Variants in ATP6V0D1 observed in about 807,000 individuals in gnomAD.
ATP6V0D1 encodes the protein V-type proton ATPase subunit d 1.
ATP6V0D1 carries 13 observed loss-of-function variants against 39.0 expected under a neutral mutation model. The observed-to-expected ratio is 0.33, with a 90% confidence interval of 0.22 to 0.53. ATP6V0D1 has a LOEUF of 0.53. ATP6V0D1 is among the 20% of genes least tolerant of loss of function. The pLI, the probability that ATP6V0D1 is intolerant of heterozygous loss-of-function variation, is 0.94. For missense variants in ATP6V0D1, 272 were observed against 470.9 expected (o/e 0.58, Z 3.91); for synonymous variants, 191 against 191.2 (o/e 1.00, Z 0.01).
intron 2 of ATP6V0D1, chr16:67,452,504 G>A (rs990770826): frequency 5.3e-5 from 57 of 1,073,586 alleles, no homozygotes; most frequent in Non-Finnish European, 7.3e-5. Flanking sequence ...AGGTGTGCCA[G>A]GTCCCAAGGA....
chr16:67,456,140 G>A lies in ATP6V0D1; in HGVS notation c.131-2425C>T, dbSNP rs1053822074. The A allele has an allele frequency of 6.6e-6, 1 of 151,982 alleles. No homozygotes were observed. Among genetic ancestry groups the A allele is most frequent in the Non-Finnish European group, 1.5e-5 (1 of 68,018 alleles). The allele number at this position is 151,982 out of a possible 1,614,324, so 9.4% of individuals were successfully genotyped here. Reference sequence around the variant, plus strand: ...GCCTCCCGAGTAGCTGGGACTAAAGGTGCATGCCACCATGCCTGGCTAATT... The same window carrying A: ...GCCTCCCGAGTAGCTGGGACTAAAGATGCATGCCACCATGCCTGGCTAATT... On this transcript the variant is annotated intron_variant, in intron 1 of 7. Transcript: ENST00000290949. This position sits in a 1 kb window ranked among gnomAD's most constrained non-coding sequence, Gnocchi z 4.1.
In ATP6V0D1 at chr16:67,452,422, C is replaced by T. The variant is rs1366296290; in HGVS notation, c.302+1122G>A. ...GCAAGTGGATCCTGGGCAAGTGGCT[C>T]CTAACTGCAGGGGATAAGAATCAGG... On this transcript the variant is annotated intron_variant, in intron 2 of 7. Transcript: ENST00000290949. 5 of 1,534,426 alleles carry T rather than the reference C, an allele frequency of 3.3e-6. No homozygotes were observed. In the Admixed American group the frequency reaches 5.9e-5, roughly 18 times the overall value.
intron 1 of ATP6V0D1, among the ~76,000 whole-genome samples, chr16:67,475,697 G>A (rs1389971435): frequency 6.6e-6 from 1 of 152,192 alleles, no homozygotes; most frequent in Non-Finnish European, 1.5e-5. Context: ...CTGAAGTGGT[G>A]CTACATAATC....
Position 67,457,664 on chromosome 16 carries a change from G to A in ATP6V0D1, c.131-3949C>T, listed in dbSNP as rs949405483. On this transcript the variant is annotated intron_variant, in intron 1 of 7. Transcript: ENST00000290949. Reference sequence around the variant, plus strand: ...GCACCATCCATTCCTAGAGAAGCCAGGAATGTGTGCACGTGAATGAGGGGG... The same window carrying A: ...GCACCATCCATTCCTAGAGAAGCCAAGAATGTGTGCACGTGAATGAGGGGG... 3.9e-6 allele frequency: 5 copies of A among 1,288,816 alleles called. No individual in the cohort carries two copies. The African/African-American group carries it at 7.6e-5, about 20-fold the overall frequency. 79.8% of individuals were successfully genotyped at this position (1,288,816 alleles called of 1,614,324 possible).
intron 4 of ATP6V0D1, chr16:67,440,469 C>T (rs1252882570): frequency 1.3e-5 from 2 of 152,326 alleles, no homozygotes; most frequent in Non-Finnish European, 2.9e-5. Context: ...GTAATGGCCA[C>T]CCTCCACTCA....
intron 1 of ATP6V0D1, chr16:67,455,732 C>T (rs924074580): frequency 5.3e-5 from 8 of 152,334 alleles, no homozygotes; most frequent in African/African-American, 1.9e-4. Flanking sequence ...TGCAATGAAC[C>T]CTTGCCCTGA....
In ATP6V0D1 at chr16:67,480,991, G is replaced by A; in HGVS notation, c.96C>T (p.Asp32=). The part of the protein sequence containing the change: ...GLKAGVLSQA[D]YLNLVQCETL... Reference sequence around the variant, plus strand: ...TCTCGCACTGCACCAGGTTGAGGTAGTCGGCCTGGCTGAGCACCCCGGCCT... The same window carrying A: ...TCTCGCACTGCACCAGGTTGAGGTAATCGGCCTGGCTGAGCACCCCGGCCT... Residue 32 remains aspartate (D), a synonymous_variant, in exon 1 of 8, where the codon GAC becomes GAT. Transcript: ENST00000290949. 1 of 1,614,180 alleles carries A rather than the reference G, an allele frequency of 6.2e-7. No individual in the cohort carries two copies. Among genetic ancestry groups the A allele is most frequent in the Non-Finnish European group, 8.5e-7 (1 of 1,179,998 alleles).
chr16:67,475,277 T>C (rs1214820258), intron 1 of ATP6V0D1, among the ~76,000 whole-genome samples: 1 of 152,196 alleles, frequency 6.6e-6, no homozygotes, highest in Non-Finnish European at 1.5e-5. Context: ...CCATCAACAT[T>C]TGCATCTGCA....
At chr16:67,480,712 C>A (rs113148480) in intron 1 of ATP6V0D1, among the ~76,000 whole-genome samples, 37 of 152,166 alleles carry the variant, frequency 2.4e-4, no homozygotes, top group Admixed American at 3.9e-4. Context: ...GTGAGCACAG[C>A]GAGAGAAAAG....
rs547867715 is a variant in ATP6V0D1 at position 67,452,733 on chromosome 16, G to A, written c.302+811C>T. Among the ~76,000 whole-genome samples, 44 of 152,300 alleles carry A rather than the reference G, an allele frequency of 2.9e-4. No individual in the cohort carries two copies. The South Asian group carries it at 8.9e-3, about 31-fold the overall frequency. On this transcript the variant is annotated intron_variant, in intron 2 of 7. Transcript: ENST00000290949. Reference sequence around the variant, plus strand: ...ACCAGGACTTGGCTCATGGCTCTTGGGACATCCCTGCAAAGGGACCCTCCC... The same window carrying A: ...ACCAGGACTTGGCTCATGGCTCTTGAGACATCCCTGCAAAGGGACCCTCCC...
Position 67,444,572 on chromosome 16 carries a change from G to C in ATP6V0D1, c.437C>G (p.Thr146Arg). The change falls in exon 3 of 8, where the codon ACA becomes AGA. Residue 146 changes from threonine to arginine, a missense_variant. By Grantham distance (71) the Thr-to-Arg change is moderately conservative. This residue lies in a region of ATP6V0D1 where 135 missense variants were observed against 273.8 expected (regional missense o/e 0.49). Transcript: ENST00000290949. This position sits in a 1 kb window ranked among gnomAD's most constrained non-coding sequence, Gnocchi z 4.8. The stretch of plus-strand genomic sequence containing the variant: ...AATGGCATTGTAGAGCTCAGCAGGT[G>C]TCTGAGCAATGTTCACGGCCTCCAT... ...EQMEAVNIAQ[T>R]PAELYNAILV... 1 of 1,613,042 alleles carries C rather than the reference G, an allele frequency of 6.2e-7. No homozygotes were observed. The highest frequency in any genetic ancestry group is 8.5e-7 in the Non-Finnish European group (1 of 1,179,276).
chr16:67,473,915 A>G (rs1188490430), intron 1 of ATP6V0D1, among the ~76,000 whole-genome samples: 2 of 152,146 alleles, frequency 1.3e-5, no homozygotes, highest in Non-Finnish European at 2.9e-5. Context: ...TCGGCCTTCT[A>G]AAGTGCTGGG....
At chr16:67,457,488 G>GCCA (rs2041249339) in intron 1 of ATP6V0D1, 1 of 997,172 alleles carries the variant, frequency 1.0e-6, no homozygotes, top group Non-Finnish European at 1.4e-6. Flanking sequence ...GCTGGCAGGT[G>GCCA]GTGGCAGAGG....
chr16:67,450,368 G>T (rs1371342818), intron 2 of ATP6V0D1, among the ~76,000 whole-genome samples: 1 of 152,160 alleles, frequency 6.6e-6, no homozygotes. Flanking sequence ...GAAGCCAATC[G>T]TGAGCCCCAG....
At chr16:67,468,481 G>A (rs1013554430) in intron 1 of ATP6V0D1, among the ~76,000 whole-genome samples, 2 of 151,802 alleles carry the variant, frequency 1.3e-5, no homozygotes, top group African/African-American at 4.8e-5. Context: ...CTACATACTT[G>A]GGGGGCTGAG....
intron 2 of ATP6V0D1, chr16:67,452,564 C>T (rs928838442): frequency 4.3e-6 from 3 of 694,708 alleles, no homozygotes; most frequent in Non-Finnish European, 7.7e-6. Flanking sequence ...AGACAATACC[C>T]AGAGAGCTCA....
intron 1 of ATP6V0D1, among the ~76,000 whole-genome samples, chr16:67,470,892 A>G (rs1045393341): frequency 5.9e-5 from 9 of 152,040 alleles, no homozygotes; most frequent in Non-Finnish European, 1.2e-4. Flanking sequence ...TGTGGGTTTC[A>G]TCTCCCAAGC....
In ATP6V0D1 at chr16:67,447,100, G is replaced by A. The variant is rs987057890; in HGVS notation, c.303-2394C>T. The stretch of plus-strand genomic sequence containing the variant: ...TCTTTTTCAACGTCCCCCTCCTTGC[G>A]CCCCCCACTCAGGGCATCTGTTTAT... On this transcript the variant is annotated intron_variant, in intron 2 of 7. Transcript: ENST00000290949. This position sits in a 1 kb window ranked among gnomAD's most constrained non-coding sequence, Gnocchi z 4.1. 2.6e-5 allele frequency among the ~76,000 whole-genome samples: 4 copies of A among 152,020 alleles called. No individual in the cohort carries two copies. Among genetic ancestry groups the A allele is most frequent in the South Asian group, 4.2e-4 (2 of 4,806 alleles).
At chr16:67,451,183 C>T (rs2041175592) in intron 2 of ATP6V0D1, among the ~76,000 whole-genome samples, 1 of 152,176 alleles carries the variant, frequency 6.6e-6, no homozygotes, top group Admixed American at 6.5e-5. Context: ...CAGCTTTCCT[C>T]CCGGCAGTGG....
Sources: gnomAD v4.1 joint callset for allele counts (sites outside exome capture counted in the v4.1 genomes callset) on GRCh38, gnomAD v4.1.1 for gene constraint, gnomAD v4.1.1 regional missense constraint, Gnocchi (gnomAD v3.1) non-coding constraint, MANE v1.5 for transcripts, NCBI Gene and HGNC (gene_info 2026-07-23, HGNC 2026-07-21) for gene names.